Variants in ASMT observed in about 807,000 individuals in gnomAD.
ASMT encodes the protein acetylserotonin N-methyltransferase.
In ASMT, 53 loss-of-function variants were observed where a neutral mutation model predicts 41.3. The ratio of observed to expected loss-of-function variants is 1.28; its 90% CI spans 1.03 to 1.61. ASMT has a LOEUF of 1.61. ASMT is among the 40% of genes most tolerant of loss of function. The probability of loss-of-function intolerance (pLI) is 0.00; values close to 1 mark genes in which losing one functional copy is unlikely to be tolerated. For missense variants in ASMT, 531 were observed against 441.3 expected, an observed-to-expected ratio of 1.20 and a Z score of -1.82; for synonymous variants, 231 against 184.8, an observed-to-expected ratio of 1.25 and a Z score of -2.03.
chrX:1,621,138 T>A (rs1231614739), intron 1 of ASMT, among the ~76,000 whole-genome samples: 2 of 152,078 alleles, frequency 1.3e-5, no homozygotes, highest in African/African-American at 4.8e-5. Flanking sequence ...GTGTAATCTG[T>A]GTTTCTTTCC....
intron 7 of ASMT, among the ~76,000 whole-genome samples, chrX:1,633,741 C>G (rs1368845998): frequency 5.9e-5 from 9 of 151,884 alleles, no homozygotes; most frequent in South Asian, 2.1e-4. Flanking sequence ...CGGGTTCACA[C>G]CATTCTCCTG....
intron 5 of ASMT, among the ~76,000 whole-genome samples, chrX:1,631,493 G>T (rs754476915): frequency 6.6e-6 from 1 of 152,226 alleles, no homozygotes; most frequent in South Asian, 2.1e-4. Flanking sequence ...ACTCAGAACA[G>T]CTCCTGGCTG....
At chrX:1,624,236 T>G (rs745563331) in intron 2 of ASMT, 33 bp from the exon 3 acceptor site, 2 of 1,613,722 alleles carry the variant, frequency 1.2e-6, no homozygotes, top group East Asian at 4.5e-5. Context: ...GGAATCTCAC[T>G]GCTTTTTCCC....
At chrX:1,623,115 T>TTTTA (rs774603215) in intron 1 of ASMT, 24 bp from the exon 2 acceptor site, 12 of 1,611,984 alleles carry the variant, frequency 7.4e-6, no homozygotes, top group Non-Finnish European at 8.5e-6. Flanking sequence ...AGCCCTGACC[T>TTTTA]TTTATTTCCG....
rs777526197 is a variant in ASMT, at chrX:1,642,870, C to T, written c.978C>T (p.Leu326=). The change falls in exon 9 of 9, where the codon CTC becomes CTT. Residue 326 remains leucine (L), a synonymous_variant. Transcript: ENST00000381241. ...GGCGAGGTCCTCTGCTCACGCAGCTCTACTCTCTGAACATGCTTGTGCAGA... is the reference window on the plus strand; with the variant it reads ...GGCGAGGTCCTCTGCTCACGCAGCTTTACTCTCTGAACATGCTTGTGCAGA... ...EDRRGPLLTQ[L]YSLNMLVQTE... 99 of 1,613,876 alleles carry T rather than the reference C, an allele frequency of 6.1e-5. No individual in the cohort carries two copies. Among genetic ancestry groups the T allele is most frequent in the Non-Finnish European group, 8.2e-5 (97 of 1,179,890 alleles).
At chrX:1,630,348 C>T (rs1934728266) in intron 5 of ASMT, among the ~76,000 whole-genome samples, 1 of 144,840 alleles carries the variant, frequency 6.9e-6, no homozygotes, top group Non-Finnish European at 1.5e-5. Context: ...CTCTGTCGCC[C>T]AGGCTGGAGT....
chrX:1,615,848 A>G, intron 1 of ASMT, among the ~76,000 whole-genome samples: 1 of 152,146 alleles, frequency 6.6e-6, no homozygotes, highest in Non-Finnish European at 1.5e-5. Context: ...AAAGCTTAAG[A>G]TGAAATACAT....
At position 1,627,734 on chromosome X, in the gene ASMT, G is replaced by A. The variant is rs1282118903; in HGVS notation, c.406G>A (p.Gly136Ser). 1.2e-6 allele frequency: 2 copies of A among 1,613,860 alleles called. No homozygotes were observed. Among genetic ancestry groups the A allele is most frequent in the Admixed American group, 1.7e-5 (1 of 59,994 alleles). Reference protein sequence around the residue: ...EGRNQYLETFGVPAEELFTAI... With the variant: ...EGRNQYLETFSVPAEELFTAI... ...AAGGAACCAGTACCTGGAGACGTTT[G>A]GCGTTCCCGCTGAAGAGCTTTTTAC... Residue 136 changes from glycine (G) to serine (S), a missense_variant, in exon 4 of 9, where the codon GGC (glycine) becomes AGC (serine). Coordinates refer to ENST00000381241, the MANE Select transcript of ASMT (RefSeq NM_001171038.2).
rs374443136 is a variant in ASMT at position 1,637,144 on chromosome X, C to G, written c.910+584C>G. 5.2e-3 allele frequency among the ~76,000 whole-genome samples: 342 copies of G among 65,252 alleles called. 22 individuals carry two copies. The highest frequency in any genetic ancestry group is 0.019 in the African/African-American group (321 of 16,490). The allele number at this position is 65,252 out of a possible 152,430, so 42.8% of individuals were successfully genotyped here. On this transcript the variant is annotated intron_variant, in intron 8 of 8. Transcript: ENST00000381241. Reference sequence around the variant, plus strand: ...CACCCATCCTGATGCTTCACGAGGACGTGGGCACAGCCTCTGTGTATGATG... The same window carrying G: ...CACCCATCCTGATGCTTCACGAGGAGGTGGGCACAGCCTCTGTGTATGATG...
At chrX:1,640,594 G>T (rs1935111905) in intron 8 of ASMT, among the ~76,000 whole-genome samples, 2 of 37,976 alleles carry the variant, frequency 5.3e-5, no homozygotes, top group South Asian at 1.2e-3. Flanking sequence ...GGCACATGAG[G>T]ATGTGGGCAC....
intron 7 of ASMT, among the ~76,000 whole-genome samples, chrX:1,633,758 C>T (rs1304289545): frequency 1.3e-5 from 2 of 152,050 alleles, no homozygotes; most frequent in East Asian, 1.9e-4. Context: ...CCTGCCTCAG[C>T]CTCCCAAGTA....
At position 1,625,104 on chromosome X, in the gene ASMT, C is replaced by CTTTT. The variant is rs1330663748; in HGVS notation, c.374+709_374+710insTTTT. Among the ~76,000 whole-genome samples, 122 of 127,346 alleles carry CTTTT rather than the reference C, an allele frequency of 9.6e-4. 16 individuals are homozygous for CTTTT. Among genetic ancestry groups the CTTTT allele is most frequent in the African/African-American group, 2.8e-3 (90 of 32,612 alleles). 83.5% of individuals were successfully genotyped at this position (127,346 alleles called of 152,430 possible). On this transcript the variant is annotated intron_variant, in intron 3 of 8. Transcript: ENST00000381241. Reference sequence around the variant, plus strand: ...TTTTCTTTGTTTTTTCTTTTCTTTTCTTTCTTTTTTTTTTTTTTGAGATGG... The same window carrying CTTTT: ...TTTTCTTTGTTTTTTCTTTTCTTTTCTTTTTTTCTTTTTTTTTTTTTTGAGATGG...
At chrX:1,629,772 C>T in intron 4 of ASMT, 49 bp from the exon 5 acceptor site, 1 of 1,544,094 alleles carries the variant, frequency 6.5e-7, no homozygotes, top group African/African-American at 1.4e-5. Context: ...TTGCTCTGGG[C>T]ACGTCCCCAG....
chrX:1,618,549 C>G (rs1386170500), intron 1 of ASMT, among the ~76,000 whole-genome samples: 1 of 152,018 alleles, frequency 6.6e-6, no homozygotes, highest in Non-Finnish European at 1.5e-5. Flanking sequence ...ATCTGCCTGC[C>G]TCAGCCTCCC....
At position 1,623,276 on chromosome X, in the gene ASMT, C is replaced by T. The variant is rs1226622578; in HGVS notation, c.207C>T (p.Ser69=). The T allele has an allele frequency of 6.2e-7, 1 of 1,613,834 alleles. No homozygotes were observed. The highest frequency in any genetic ancestry group is 2.2e-5 in the East Asian group (1 of 44,860). ...GTELLLDICV[S]LKLLKVETRG... ...AGCTCCTGCTGGACATCTGTGTGTC[C>T]CTGAAGCTGCTGAAAGTGGAGACGA... Residue 69 remains serine (S), a synonymous_variant, in exon 2 of 9, where the codon TCC becomes TCT. Transcript: ENST00000381241.
intron 7 of ASMT, chrX:1,636,209 C>T (rs771303862): frequency 1.2e-4 from 76 of 608,608 alleles, no homozygotes; most frequent in Middle Eastern, 9.1e-4. Flanking sequence ...TGCCCACCTC[C>T]GCCTCCCAAA....
rs1378221388 is a variant in ASMT at position 1,620,369 on chromosome X, T to A, written c.70-2770T>A. 2.6e-5 allele frequency among the ~76,000 whole-genome samples: 4 copies of A among 151,460 alleles called. No homozygotes were observed. The East Asian group carries it at 6.0e-4, about 23-fold the overall frequency. On this transcript the variant is annotated intron_variant, in intron 1 of 8. Coordinates refer to ENST00000381241, the MANE Select transcript of ASMT (RefSeq NM_001171038.2). Reference sequence around the variant, plus strand: ...TTTTAGTAGAGACGGGGTTTCACTATGTTGGCCAGGCTGGTGTCGAACTCT... The same window carrying A: ...TTTTAGTAGAGACGGGGTTTCACTAAGTTGGCCAGGCTGGTGTCGAACTCT...
intron 8 of ASMT, among the ~76,000 whole-genome samples, chrX:1,641,731 C>T (rs1270263983): frequency 6.8e-6 from 1 of 147,938 alleles, no homozygotes. Flanking sequence ...GAGGTCCACC[C>T]ATCCTGGTGG....
intron 7 of ASMT, among the ~76,000 whole-genome samples, chrX:1,635,375 C>T (rs749027466): frequency 7.2e-5 from 11 of 152,118 alleles, no homozygotes; most frequent in African/African-American, 2.2e-4. Context: ...AAGACTTGAG[C>T]GTTTCACATC....
Sources: allele counts gnomAD v4.1 joint callset (sites outside exome capture counted in the v4.1 genomes callset), GRCh38; gene constraint gnomAD v4.1.1; transcripts MANE v1.5; gene names NCBI Gene and HGNC (gene_info 2026-07-23, HGNC 2026-07-21).